PTCD1: variants seen among roughly 807,000 people sequenced by gnomAD.
PTCD1 encodes pentatricopeptide repeat-containing protein 1, mitochondrial.
In PTCD1, 50 loss-of-function variants were observed where a neutral mutation model predicts 53.4. The ratio of observed to expected loss-of-function variants is 0.94; its 90% confidence interval spans 0.75 to 1.19. PTCD1 has a LOEUF of 1.19. Among genes scored for constraint, PTCD1 ranks in the 50% most tolerant of loss-of-function variants. The pLI, the probability that PTCD1 is intolerant of heterozygous loss-of-function variation, is 0.00. For synonymous variants in PTCD1, 413 were observed against 394.8 expected, an observed-to-expected ratio of 1.05 and a Z score of -0.55; for missense variants, 918 against 904.8, an observed-to-expected ratio of 1.01 and a Z score of -0.19.
chr7:99,419,966 A>G lies in PTCD1; in HGVS notation c.*1T>C. On this transcript the variant is annotated 3_prime_UTR_variant, in exon 8 of 8. Coordinates refer to ENST00000292478, the MANE Select transcript of PTCD1 (RefSeq NM_015545.4). Reference sequence around the variant, plus strand: ...AGCACATTGTTCCAGCTGTGCTCCCATCACCTGCCCCCAAGGGCACATCCG... The same window carrying G: ...AGCACATTGTTCCAGCTGTGCTCCCGTCACCTGCCCCCAAGGGCACATCCG... 1 of 1,614,166 alleles carries G rather than the reference A, an allele frequency of 6.2e-7. No individual in the cohort carries two copies. Among genetic ancestry groups the G allele is most frequent in the Non-Finnish European group, 8.5e-7 (1 of 1,180,010 alleles).
intron 7 of PTCD1, among the ~76,000 whole-genome samples, chr7:99,422,736 C>A (rs543608590): frequency 1.3e-5 from 2 of 152,180 alleles, no homozygotes; most frequent in Non-Finnish European, 2.9e-5. Context: ...AACGTGGGGG[C>A]CCCATCTTCC....
intron 3 of PTCD1, among the ~76,000 whole-genome samples, chr7:99,432,138 A>G (rs1362272230): frequency 6.6e-6 from 1 of 152,182 alleles, no homozygotes; most frequent in Non-Finnish European, 1.5e-5. Flanking sequence ...CCTCGTGGGA[A>G]GGGAAAGACC....
chr7:99,437,081 G>T (rs1005191050), intron 1 of PTCD1, among the ~76,000 whole-genome samples: 1 of 152,154 alleles, frequency 6.6e-6, no homozygotes, highest in Non-Finnish European at 1.5e-5. Context: ...TGCCAGGCTG[G>T]TCTAGAACTC....
At position 99,438,678 on chromosome 7, in the gene PTCD1, A is replaced by ACAG; in HGVS notation, c.-27+13_-27+14insCTG. On this transcript the variant is annotated intron_variant, in intron 1 of 7. Coordinates refer to ENST00000292478, the MANE Select transcript of PTCD1 (RefSeq NM_015545.4). ...GGGTCCCGGGGCTCCTGCGAGGATC[A>ACAG]CACAGGAACTCACTTGAAGTGTCCG... is the stretch of plus-strand genomic sequence containing the variant. 1 of 1,258,118 alleles carries ACAG rather than the reference A, an allele frequency of 7.9e-7. No homozygotes were observed. The highest frequency in any genetic ancestry group is 1.0e-6 in the Non-Finnish European group (1 of 978,052). The allele number at this position is 1,258,118 out of a possible 1,614,324, so 77.9% of individuals were successfully genotyped here.
chr7:99,433,977 G>A (rs548719421), intron 2 of PTCD1, among the ~76,000 whole-genome samples: 2 of 147,562 alleles, frequency 1.4e-5, no homozygotes, highest in East Asian at 2.2e-4. Flanking sequence ...GCTTGAACCC[G>A]GGAGGCAGAG....
chr7:99,427,803 A>G (rs1294048470), intron 5 of PTCD1, among the ~76,000 whole-genome samples: 1 of 151,254 alleles, frequency 6.6e-6, no homozygotes, highest in Non-Finnish European at 1.5e-5. Flanking sequence ...CTGTGACCTT[A>G]CCCCCAACCC....
At chr7:99,436,092 T>C (rs915676502) in intron 1 of PTCD1, among the ~76,000 whole-genome samples, 1 of 152,060 alleles carries the variant, frequency 6.6e-6, no homozygotes, top group South Asian at 2.1e-4. Flanking sequence ...ACTACAGGTG[T>C]GAGCCACTAT....
At chr7:99,431,515 G>C (rs1250095511) in intron 3 of PTCD1, among the ~76,000 whole-genome samples, 1 of 152,178 alleles carries the variant, frequency 6.6e-6, no homozygotes, top group Admixed American at 6.5e-5. Flanking sequence ...GCCAAGGCGG[G>C]TGGACCACTT....
rs115573912 is a variant in PTCD1, at chr7:99,430,454, G to C, written c.595-648C>G. On this transcript the variant is annotated intron_variant, in intron 3 of 7. Transcript: ENST00000292478. The stretch of plus-strand genomic sequence containing the variant: ...AGAAGGGCCATCTGGACAAAGGCAG[G>C]CGATAGGCAGCTCAGCGGCAGAAAG... Among the ~76,000 whole-genome samples the C allele has an allele frequency of 5.9e-3, 905 of 152,352 alleles. 10 individuals carry two copies. The highest frequency in any genetic ancestry group is 0.021 in the African/African-American group (879 of 41,582).
chr7:99,435,365 G>A (rs1002554977), intron 1 of PTCD1, 97 bp from the exon 2 acceptor site: 27 of 1,485,290 alleles, frequency 1.8e-5, no homozygotes, highest in East Asian at 1.7e-4. Flanking sequence ...CAGGCCAGGC[G>A]CGGTGGCTCA....
Position 99,424,821 on chromosome 7 carries a change from C to T in PTCD1, c.1711G>A (p.Gly571Ser), listed in dbSNP as rs139148426. The T allele has an allele frequency of 1.9e-5, 31 of 1,614,064 alleles. No individual in the cohort carries two copies. The highest frequency in any genetic ancestry group is 1.6e-4 in the African/African-American group (12 of 74,930). The stretch of plus-strand genomic sequence containing the variant: ...TTCATGTCTGTGAGAAGCTGTAGAC[C>T]GTCCTTCGGCCTGTGGCACCCGATG... ...LAIGCHRPKD[G>S]LQLLTDMKKS... is the part of the protein sequence containing the mutation. Residue 571 changes from glycine (G) to serine (S), a missense_variant, in exon 6 of 8, where the codon GGT (glycine) becomes AGT (serine). Coordinates refer to ENST00000292478, the MANE Select transcript of PTCD1 (RefSeq NM_015545.4).
At chr7:99,432,535 TAG>T (rs1796299721) in intron 3 of PTCD1, among the ~76,000 whole-genome samples, 1 of 152,076 alleles carries the variant, frequency 6.6e-6, no homozygotes, top group South Asian at 2.1e-4. Flanking sequence ...TCCGAGATGG[TAG>T]AGATAGTGAT....
chr7:99,427,289 C>T lies in PTCD1; in HGVS notation c.916-1673G>A, dbSNP rs556156794. On this transcript the variant is annotated intron_variant, in intron 5 of 7. Coordinates refer to ENST00000292478, the MANE Select transcript of PTCD1 (RefSeq NM_015545.4). ...GAGCCCCTCTGCCCGGCTAGCACCCCGTCCAGGAGGGAGGTGGGGGGGTCA... is the reference window on the plus strand; with the variant it reads ...GAGCCCCTCTGCCCGGCTAGCACCCTGTCCAGGAGGGAGGTGGGGGGGTCA... Among the ~76,000 whole-genome samples, 1,000 of 148,250 alleles carry T rather than the reference C, an allele frequency of 6.7e-3. 16 individuals carry two copies. The highest frequency in any genetic ancestry group is 0.022 in the African/African-American group (863 of 40,004).
intron 5 of PTCD1, among the ~76,000 whole-genome samples, chr7:99,428,473 G>GGTTC (rs891828590): frequency 3.3e-5 from 5 of 151,852 alleles, no homozygotes; most frequent in African/African-American, 1.2e-4. Flanking sequence ...GGGGAGCTGT[G>GGTTC]GTTCACACCT....
intron 1 of PTCD1, among the ~76,000 whole-genome samples, chr7:99,436,537 C>T (rs1038880937): frequency 4.6e-5 from 7 of 152,130 alleles, no homozygotes; most frequent in Non-Finnish European, 1.0e-4. Context: ...ATCACTTGAA[C>T]GTGGGAGGCA....
Position 99,419,850 on chromosome 7 carries a change from TGCG to T in PTCD1, c.*114_*116del. On this transcript the variant is annotated 3_prime_UTR_variant, in exon 8 of 8. Transcript: ENST00000292478. The stretch of plus-strand genomic sequence containing the variant: ...GTCCTCACCAACACCTGTGACACGC[TGCG>T]GCTGTTCCTCAGGGCCTGGCTCTTC... The T allele has an allele frequency of 1.3e-6, 2 of 1,550,522 alleles. No homozygotes were observed. The highest frequency in any genetic ancestry group is 1.8e-6 in the Non-Finnish European group (2 of 1,139,042).
chr7:99,419,572 T>C lies in PTCD1; in HGVS notation c.*395A>G. 9.9e-7 allele frequency: 1 copy of C among 1,014,230 alleles called. No homozygotes were observed. The highest frequency in any genetic ancestry group is 1.6e-5 in the African/African-American group (1 of 62,336). 62.8% of individuals were successfully genotyped at this position (1,014,230 alleles called of 1,614,324 possible). The stretch of plus-strand genomic sequence containing the variant: ...GGTCTCTATGGGGAAGGCTTCGCTG[T>C]CTATCAGCTGTGATTTGTAAAAATA... On this transcript the variant is annotated 3_prime_UTR_variant, in exon 8 of 8. Coordinates refer to ENST00000292478, the MANE Select transcript of PTCD1 (RefSeq NM_015545.4).
rs554034219 is a variant in PTCD1 at position 99,426,051 on chromosome 7, C to T, written c.916-435G>A. On this transcript the variant is annotated intron_variant, in intron 5 of 7. Coordinates refer to ENST00000292478, the MANE Select transcript of PTCD1 (RefSeq NM_015545.4). ...CAGCACTCCAGCCTGGGTGACAGAG[C>T]GAGAGTGTCTCAAAACAACTGTAAA... 1.1e-4 allele frequency among the ~76,000 whole-genome samples: 17 copies of T among 152,092 alleles called. 1 individual carries two copies. The highest frequency in any genetic ancestry group is 7.7e-4 in the East Asian group (4 of 5,180).
At chr7:99,427,529 C>T (rs62471891) in intron 5 of PTCD1, among the ~76,000 whole-genome samples, 3 of 136,856 alleles carry the variant, frequency 2.2e-5, no homozygotes, top group Admixed American at 7.3e-5. Context: ...GGGAGGTGAG[C>T]GGCGCCTCTG....
Sources: allele counts gnomAD v4.1 joint callset (sites outside exome capture counted in the v4.1 genomes callset), GRCh38; gene constraint gnomAD v4.1.1; transcripts MANE v1.5; gene names NCBI Gene and HGNC (gene_info 2026-07-23, HGNC 2026-07-21).